LCORL: variants seen among roughly 807,000 people sequenced by gnomAD.
The protein encoded by LCORL is ligand dependent nuclear receptor corepressor like, also known as ligand-dependent nuclear receptor corepressor-like protein.
In LCORL, 41 loss-of-function variants were observed where a neutral mutation model predicts 141.8. That is an observed-to-expected ratio of 0.29 (90% confidence interval 0.23 to 0.38). The LOEUF (loss-of-function observed/expected upper bound fraction) is 0.38. Ranked by LOEUF, LCORL falls within the 10% of genes least tolerant of loss-of-function variation. The probability of loss-of-function intolerance (pLI) is 1.00; values close to 1 mark genes in which losing one functional copy is unlikely to be tolerated. For synonymous variants in LCORL, 618 were observed against 694.1 expected (o/e 0.89, Z 1.72); for missense variants, 1,759 against 2,035.0 (o/e 0.86, Z 2.61).
intron 1 of LCORL, among the ~76,000 whole-genome samples, chr4:17,990,649 T>G (rs925413274): frequency 6.6e-6 from 1 of 151,756 alleles, no homozygotes; most frequent in Admixed American, 6.6e-5. Flanking sequence ...TTGGTTTTTT[T>G]TTTTTTTTTT....
At chr4:17,862,440 A>G (rs1018712524) in intron 7 of LCORL, among the ~76,000 whole-genome samples, 2 of 152,194 alleles carry the variant, frequency 1.3e-5, no homozygotes, top group African/African-American at 4.8e-5. Flanking sequence ...ACACGTGGGA[A>G]TTCAAGATGA....
intron 4 of LCORL, among the ~76,000 whole-genome samples, chr4:17,927,123 C>T (rs1427493158): frequency 6.6e-6 from 1 of 152,200 alleles, no homozygotes; most frequent in Admixed American, 6.5e-5. Flanking sequence ...CTGCAGCTTC[C>T]GTATCAGCAC....
chr4:17,946,948 G>A (rs1738978390), intron 4 of LCORL, among the ~76,000 whole-genome samples: 1 of 151,956 alleles, frequency 6.6e-6, no homozygotes. Flanking sequence ...AAAACTGGAT[G>A]GAAGTTCCTC....
chr4:17,926,748 C>G (rs1735214473), intron 4 of LCORL, among the ~76,000 whole-genome samples: 1 of 152,218 alleles, frequency 6.6e-6, no homozygotes. Flanking sequence ...AACGCTAATA[C>G]AGTGGGCTTA....
chr4:17,949,603 G>A (rs1739408207), intron 4 of LCORL, among the ~76,000 whole-genome samples: 1 of 152,042 alleles, frequency 6.6e-6, no homozygotes, highest in African/African-American at 2.4e-5. Context: ...AGGGAATTCT[G>A]CTCAACTGTT....
intron 6 of LCORL, chr4:17,881,137 G>A: frequency 1.0e-6 from 1 of 981,308 alleles, no homozygotes; most frequent in Non-Finnish European, 1.2e-6. Flanking sequence ...AAAAACAGAG[G>A]CACTGTTTTC....
Position 17,842,081 on chromosome 4 carries a change from T to A in LCORL, c.*3807A>T, listed in dbSNP as rs138213048. 1,752 of 415,680 alleles carry A rather than the reference T, an allele frequency of 4.2e-3. 13 individuals are homozygous for A. Among genetic ancestry groups the A allele is most frequent in the Non-Finnish European group, 5.5e-3 (1,238 of 225,796 alleles). The allele number at this position is 415,680 out of a possible 1,614,324, so 25.7% of individuals were successfully genotyped here. On this transcript the variant is annotated 3_prime_UTR_variant, in exon 8 of 8. Coordinates refer to ENST00000635767, the Ensembl canonical transcript of LCORL. The stretch of plus-strand genomic sequence containing the variant: ...TAACTTGCTTGAAATTTCCTTATTT[T>A]CCCTTACTCATTATTAGTGCTTACA...
intron 1 of LCORL, among the ~76,000 whole-genome samples, chr4:17,978,902 C>CT (rs1468134920): frequency 6.6e-6 from 1 of 151,912 alleles, no homozygotes; most frequent in East Asian, 1.9e-4. Flanking sequence ...TCTCTGCCTT[C>CT]TTTTTTTTAT....
chr4:17,916,539 T>C lies in LCORL; in HGVS notation c.431-7194A>G, dbSNP rs182521147. ...GCTTCTGCTTTGCTTTCTGCCATGATTGTAAGCTTCCTGAGGTCCTTACCA... is the reference window on the plus strand; with the variant it reads ...GCTTCTGCTTTGCTTTCTGCCATGACTGTAAGCTTCCTGAGGTCCTTACCA... On this transcript the variant is annotated intron_variant, in intron 4 of 7. Transcript: ENST00000635767. Among the ~76,000 whole-genome samples, 4 of 152,308 alleles carry C rather than the reference T, an allele frequency of 2.6e-5. No individual in the cohort carries two copies. In the East Asian group the frequency reaches 5.8e-4, roughly 22 times the overall value.
intron 4 of LCORL, among the ~76,000 whole-genome samples, chr4:17,919,700 TAC>T (rs1432049877): frequency 1.3e-5 from 2 of 152,210 alleles, no homozygotes; most frequent in South Asian, 2.1e-4. Flanking sequence ...CAGCCCTTGT[TAC>T]AGTCTTTTAT....
intron 5 of LCORL, 80 bp downstream of exon 5, chr4:17,909,014 A>G (rs1205494035): frequency 9.5e-6 from 12 of 1,261,836 alleles, no homozygotes; most frequent in Non-Finnish European, 1.3e-5. Context: ...AAATTTCCCT[A>G]TGAATATAAA....
At chr4:17,917,404 G>A (rs1282406666) in intron 4 of LCORL, among the ~76,000 whole-genome samples, 1 of 152,188 alleles carries the variant, frequency 6.6e-6, no homozygotes, top group Non-Finnish European at 1.5e-5. Context: ...TGTTGGCCAG[G>A]CTGACCTTGA....
At chr4:18,012,519 A>C (rs1323207867) in intron 1 of LCORL, among the ~76,000 whole-genome samples, 1 of 152,222 alleles carries the variant, frequency 6.6e-6, no homozygotes, top group Non-Finnish European at 1.5e-5. Flanking sequence ...AGAAACATAA[A>C]ATTATACCCC....
chr4:17,885,998 T>G, intron 6 of LCORL, 70 bp downstream of exon 6: 1 of 818,498 alleles, frequency 1.2e-6, no homozygotes. Context: ...CTACTCAGAA[T>G]AGTATTAAGA....
intron 1 of LCORL, among the ~76,000 whole-genome samples, chr4:18,016,295 T>C (rs971901923): frequency 9.8e-5 from 15 of 152,292 alleles, no homozygotes; most frequent in African/African-American, 3.6e-4. Context: ...AACTAAAGTA[T>C]AGACAGGTTA....
chr4:18,008,461 A>C (rs761052507), intron 1 of LCORL, among the ~76,000 whole-genome samples: 3 of 152,224 alleles, frequency 2.0e-5, no homozygotes, highest in Non-Finnish European at 2.9e-5. Context: ...TTTTAGATGT[A>C]ACAATCTGAC....
chr4:17,969,160 G>T (rs2109647513), intron 2 of LCORL, among the ~76,000 whole-genome samples: 1 of 152,306 alleles, frequency 6.6e-6, no homozygotes, highest in Non-Finnish European at 1.5e-5. Flanking sequence ...CACCAGAAGT[G>T]CAGTTAGGGT....
At chr4:17,846,349 G>A (rs1476616184) in intron 7 of LCORL, among the ~76,000 whole-genome samples, 2 of 152,112 alleles carry the variant, frequency 1.3e-5, no homozygotes, top group Non-Finnish European at 2.9e-5. Context: ...AGTAAGGTTG[G>A]TATGCTTATC....
chr4:17,876,286 C>A (rs559503096), exon 7 of LCORL: 1 of 1,230,848 alleles, frequency 8.1e-7, no homozygotes, highest in South Asian at 4.1e-5. Context: ...ATAATATTGC[C>A]GGATGCTACC....
Sources: gnomAD v4.1 joint callset for allele counts (sites outside exome capture counted in the v4.1 genomes callset) on GRCh38, gnomAD v4.1.1 for gene constraint, MANE v1.5 for transcripts, NCBI Gene and HGNC (gene_info 2026-07-23, HGNC 2026-07-21) for gene names.